Variants in VEPH1 observed in about 807,000 individuals in gnomAD.
VEPH1 encodes ventricular zone-expressed PH domain-containing protein homolog 1.
Under a neutral mutation model 85.2 loss-of-function variants are expected in VEPH1, and 80 were observed. That is an observed-to-expected ratio of 0.94 (90% CI 0.78 to 1.13). The LOEUF is 1.13. VEPH1 is among the 50% of genes most tolerant of loss of function. The pLI is 0.00. For missense variants in VEPH1, 955 were observed against 980.5 expected (o/e 0.97, Z 0.35); for synonymous variants, 297 against 348.0 (o/e 0.85, Z 1.63).
At position 157,372,579 on chromosome 3, in the gene VEPH1, C is replaced by T. The variant is rs992399078; in HGVS notation, c.1128-8067G>A. 3.9e-5 allele frequency among the ~76,000 whole-genome samples: 6 copies of T among 152,214 alleles called. No individual in the cohort carries two copies. In the South Asian group the frequency reaches 1.2e-3, roughly 31 times the overall value. On this transcript the variant is annotated intron_variant, in intron 7 of 13. Transcript: ENST00000362010. The stretch of plus-strand genomic sequence containing the variant: ...TCATCACCTTTCATTTATTAAATCT[C>T]TTTCCTTTAGGTCCCAGAAGAAAGT...
intron 7 of VEPH1, 141 bp downstream of exon 7, chr3:157,381,015 G>A: frequency 1.3e-6 from 1 of 787,250 alleles, no homozygotes; most frequent in Non-Finnish European, 2.0e-6. Context: ...ATTCTGGCAA[G>A]TGCCATAATT....
chr3:157,277,117 C>G (rs944823154), intron 12 of VEPH1, among the ~76,000 whole-genome samples: 9 of 152,158 alleles, frequency 5.9e-5, no homozygotes, highest in African/African-American at 2.2e-4. Context: ...TCTCCAACTC[C>G]TGGGATCAAG....
rs1299633564 is a variant in VEPH1, at chr3:157,324,109, C to T, written c.1736-6908G>A. 2.0e-5 allele frequency among the ~76,000 whole-genome samples: 3 copies of T among 152,264 alleles called. No individual in the cohort carries two copies. In the East Asian group the frequency reaches 5.8e-4, roughly 29 times the overall value. On this transcript the variant is annotated intron_variant, in intron 9 of 13. Coordinates refer to ENST00000362010, the MANE Select transcript of VEPH1 (RefSeq NM_001167912.2). ...TCACTCTGTTGCCCAGGCTGGAGTA[C>T]AGTGGTGCAATCTGAGCTCACTGCA...
intron 4 of VEPH1, among the ~76,000 whole-genome samples, chr3:157,429,919 G>A (rs1415772120): frequency 1.3e-5 from 2 of 152,162 alleles, no homozygotes; most frequent in Non-Finnish European, 2.9e-5. Context: ...GAGGCCCTGG[G>A]AGCCTTGAAG....
intron 12 of VEPH1, 160 bp downstream of exon 12, chr3:157,286,397 G>T: frequency 1.5e-6 from 1 of 667,694 alleles, no homozygotes. Context: ...CGACCACTTT[G>T]GTGAGACGCC....
At chr3:157,389,193 A>G (rs1585080) in intron 6 of VEPH1, among the ~76,000 whole-genome samples, 107,825 of 152,058 alleles carry the variant, frequency 0.71, 39,201 homozygotes, top group African/African-American at 0.87. Context: ...GCCAACAGCA[A>G]GGTAATTTAT....
intron 4 of VEPH1, among the ~76,000 whole-genome samples, chr3:157,449,150 T>C (rs1009124750): frequency 6.6e-6 from 1 of 152,200 alleles, no homozygotes; most frequent in African/African-American, 2.4e-5. Context: ...GAAAATGGAC[T>C]AATACACCAA....
At position 157,470,452 on chromosome 3, in the gene VEPH1, G is replaced by A. The variant is rs759229263; in HGVS notation, c.216C>T (p.Thr72=). 47 of 1,614,028 alleles carry A rather than the reference G, an allele frequency of 2.9e-5. No individual in the cohort carries two copies. Among genetic ancestry groups the A allele is most frequent in the Middle Eastern group, 3.3e-4 (2 of 6,084 alleles). ...ITRITTAIRE[T]ESIEKHAKAL... ...CCTTTGCATGCTTTTCAATGGACTC[G>A]GTCTCTCTGATGGCTGTTGTGATTC... The change falls in exon 3 of 14, where the codon ACC becomes ACT. Residue 72 remains threonine (T), a synonymous_variant. Transcript: ENST00000362010.
chr3:157,486,347 T>G (rs1430588355), intron 2 of VEPH1, among the ~76,000 whole-genome samples: 1 of 151,686 alleles, frequency 6.6e-6, no homozygotes, highest in African/African-American at 2.4e-5. Flanking sequence ...AATACAAAAA[T>G]TAGTCAGGTG....
intron 11 of VEPH1, among the ~76,000 whole-genome samples, chr3:157,311,074 G>C (rs11929580): frequency 3.5e-4 from 53 of 152,270 alleles, no homozygotes; most frequent in African/African-American, 1.3e-3. Flanking sequence ...GTATTATTTA[G>C]AGAGCCTAGT....
chr3:157,409,832 CATGGCCAAAT>C, intron 6 of VEPH1: 1 of 985,396 alleles, frequency 1.0e-6, no homozygotes, highest in South Asian at 4.7e-5. Flanking sequence ...TCTCTACCCC[CATGGCCAAAT>C]TCTGGACTGA....
At chr3:157,408,096 C>A (rs1286240485) in intron 6 of VEPH1, among the ~76,000 whole-genome samples, 1 of 152,130 alleles carries the variant, frequency 6.6e-6, no homozygotes, top group Non-Finnish European at 1.5e-5. Context: ...ACTGCTCAGT[C>A]TACAGTGGTG....
intron 2 of VEPH1, among the ~76,000 whole-genome samples, chr3:157,471,276 C>G (rs1019423649): frequency 6.6e-6 from 1 of 152,172 alleles, no homozygotes; most frequent in Non-Finnish European, 1.5e-5. Flanking sequence ...TTCGGCACTA[C>G]AGCAAACTCC....
At chr3:157,462,792 T>G (rs1417592481) in intron 3 of VEPH1, among the ~76,000 whole-genome samples, 1 of 152,192 alleles carries the variant, frequency 6.6e-6, no homozygotes, top group African/African-American at 2.4e-5. Context: ...TCCAGGTGCT[T>G]CTAATGAAGG....
chr3:157,411,631 C>T (rs542655179), intron 6 of VEPH1, among the ~76,000 whole-genome samples: 2 of 152,144 alleles, frequency 1.3e-5, no homozygotes, highest in Admixed American at 6.5e-5. Context: ...AAGCTCCTCA[C>T]GTAATCCTGA....
At chr3:157,365,451 C>T (rs1243470399) in intron 7 of VEPH1, among the ~76,000 whole-genome samples, 1 of 151,906 alleles carries the variant, frequency 6.6e-6, no homozygotes, top group South Asian at 2.1e-4. Context: ...TTTCTCATAC[C>T]AACTAATTCT....
intron 5 of VEPH1, among the ~76,000 whole-genome samples, chr3:157,421,284 T>C (rs1220562870): frequency 6.6e-6 from 1 of 152,040 alleles, no homozygotes; most frequent in Non-Finnish European, 1.5e-5. Flanking sequence ...CCTCCAGCCC[T>C]GGAAAGCCAT....
intron 6 of VEPH1, among the ~76,000 whole-genome samples, chr3:157,412,153 C>A (rs1363219329): frequency 6.6e-6 from 1 of 152,140 alleles, no homozygotes; most frequent in African/African-American, 2.4e-5. Flanking sequence ...TGAGCAGATG[C>A]CAGCATCATG....
intron 12 of VEPH1, among the ~76,000 whole-genome samples, chr3:157,266,091 TAAA>T (rs1713601776): frequency 6.7e-6 from 1 of 149,184 alleles, no homozygotes; most frequent in Admixed American, 6.8e-5. Flanking sequence ...AACTAGGTAA[TAAA>T]AAACAAATTT....
Sources: allele counts gnomAD v4.1 joint callset (sites outside exome capture counted in the v4.1 genomes callset), GRCh38; gene constraint gnomAD v4.1.1; transcripts MANE v1.5; gene names NCBI Gene and HGNC (gene_info 2026-07-23, HGNC 2026-07-21).